The following PIP4K2A variants were observed in gnomAD, a reference collection of about 807,000 sequenced individuals.
The protein encoded by PIP4K2A is phosphatidylinositol-5-phosphate 4-kinase type 2 alpha.
In PIP4K2A, 14 loss-of-function variants were observed where a neutral mutation model predicts 42.9. That is an observed-to-expected ratio of 0.33 (90% confidence interval 0.22 to 0.51). The LOEUF (loss-of-function observed/expected upper bound fraction) is 0.51, where lower values mean the gene tolerates loss of function less well. Among genes scored for constraint, PIP4K2A ranks in the 20% least tolerant of loss-of-function variants. The probability of loss-of-function intolerance (pLI) is 0.97; values close to 1 mark genes in which losing one functional copy is unlikely to be tolerated. For synonymous variants in PIP4K2A, 192 were observed against 192.2 expected (o/e 1.00, Z 0.01); for missense variants, 434 against 519.8 (o/e 0.83, Z 1.61).
At chr10:22,637,831 A>C (rs1406298012) in intron 1 of PIP4K2A, among the ~76,000 whole-genome samples, 1 of 152,262 alleles carries the variant, frequency 6.6e-6, no homozygotes, top group Non-Finnish European at 1.5e-5. Context: ...ATCAAGCTGG[A>C]CAATGTAAAA....
intron 1 of PIP4K2A, among the ~76,000 whole-genome samples, chr10:22,622,001 G>A (rs901075737): frequency 1.3e-5 from 2 of 152,202 alleles, no homozygotes; most frequent in African/African-American, 4.8e-5. Flanking sequence ...CCCATTTTAA[G>A]AGATGACCTG....
At chr10:22,575,985 A>T (rs1369155038) in intron 4 of PIP4K2A, among the ~76,000 whole-genome samples, 1 of 152,086 alleles carries the variant, frequency 6.6e-6, no homozygotes, top group Non-Finnish European at 1.5e-5. Context: ...TTTATCAGCA[A>T]GTCTACACAC....
intron 8 of PIP4K2A, among the ~76,000 whole-genome samples, chr10:22,541,462 T>C (rs1836110583): frequency 6.6e-6 from 1 of 152,224 alleles, no homozygotes; most frequent in Admixed American, 6.5e-5. Context: ...TGAACATGTA[T>C]GTGTGCATAT....
At chr10:22,622,440 G>C (rs759301265) in intron 1 of PIP4K2A, among the ~76,000 whole-genome samples, 4 of 152,236 alleles carry the variant, frequency 2.6e-5, no homozygotes, top group Non-Finnish European at 5.9e-5. Flanking sequence ...GCGTCACGGA[G>C]CACGGGAGGA....
Position 22,535,580 on chromosome 10 carries a change from T to TTTTG in PIP4K2A, c.*1617_*1620dup, listed in dbSNP as rs748990817. ...TGCAAGTAATAATTAAAGGGTCGAT[T>TTTTG]TTTGTTTGTTTGTTTTCTTTTCTGA... On this transcript the variant is annotated 3_prime_UTR_variant, in exon 10 of 10. Transcript: ENST00000376573. 2 of 152,276 alleles carry TTTTG rather than the reference T, an allele frequency of 1.3e-5. No individual in the cohort carries two copies. Among genetic ancestry groups the TTTTG allele is most frequent in the Admixed American group, 6.5e-5 (1 of 15,286 alleles). 9.4% of individuals were successfully genotyped at this position (152,276 alleles called of 1,614,324 possible).
intron 1 of PIP4K2A, among the ~76,000 whole-genome samples, chr10:22,685,468 G>A (rs1459670971): frequency 6.6e-6 from 1 of 152,166 alleles, no homozygotes; most frequent in Non-Finnish European, 1.5e-5. Flanking sequence ...GCTGAGGCAG[G>A]AGGATCACTT....
At position 22,714,280 on chromosome 10, in the gene PIP4K2A, G is replaced by A. The variant is rs1833968965; in HGVS notation, c.47C>T (p.Thr16Ile). The change falls in exon 1 of 10, where the codon ACC (threonine) becomes ATC (isoleucine). Residue 16 changes from threonine to isoleucine, a missense_variant. Thr to Ile is a moderately conservative substitution (Grantham distance 89). Coordinates refer to ENST00000376573, the MANE Select transcript of PIP4K2A (RefSeq NM_005028.5). ...NLGSSVLASK[T>I]KTKKKHFVAQ... is the part of the protein sequence containing the mutation. ...TACGAAGTGCTTCTTCTTGGTCTTG[G>A]TCTTGCTCGCCAGGACAGAGGACCC... The A allele has an allele frequency of 1.2e-6, 2 of 1,612,434 alleles. No homozygotes were observed. Among genetic ancestry groups the A allele is most frequent in the Non-Finnish European group, 8.5e-7 (1 of 1,179,128 alleles).
intron 9 of PIP4K2A, among the ~76,000 whole-genome samples, chr10:22,538,377 A>C (rs1835993043): frequency 1.3e-5 from 2 of 151,844 alleles, no homozygotes; most frequent in Non-Finnish European, 2.9e-5. Flanking sequence ...ACATGGAGCC[A>C]TATTGGCTAG....
intron 1 of PIP4K2A, among the ~76,000 whole-genome samples, chr10:22,677,170 G>T (rs1013106470): frequency 3.9e-5 from 6 of 152,104 alleles, no homozygotes; most frequent in African/African-American, 1.4e-4. Flanking sequence ...GGCAAAGAAG[G>T]TATTGGGCCC....
At chr10:22,585,122 CT>C (rs1279240327) in intron 4 of PIP4K2A, among the ~76,000 whole-genome samples, 1 of 152,186 alleles carries the variant, frequency 6.6e-6, no homozygotes, top group East Asian at 1.9e-4. Context: ...CCTCTCCACT[CT>C]TTTTTGTATT....
At chr10:22,621,560 G>A (rs11013068) in intron 1 of PIP4K2A, among the ~76,000 whole-genome samples, 28,215 of 152,220 alleles carry the variant, frequency 0.19, 3,265 homozygotes, top group Non-Finnish European at 0.26. Context: ...CTGGCCAGAA[G>A]CCCTAAATCT....
At chr10:22,658,261 G>A (rs1341014326) in intron 1 of PIP4K2A, among the ~76,000 whole-genome samples, 1 of 152,138 alleles carries the variant, frequency 6.6e-6, no homozygotes, top group East Asian at 1.9e-4. Context: ...TTAACAAAAG[G>A]AGACTAAAAG....
intron 4 of PIP4K2A, among the ~76,000 whole-genome samples, chr10:22,574,396 G>C (rs1246407672): frequency 1.3e-5 from 2 of 151,380 alleles, no homozygotes. Context: ...TGCAATTGGA[G>C]GGAATTCTGA....
intron 4 of PIP4K2A, among the ~76,000 whole-genome samples, chr10:22,576,398 CAA>C (rs1438376918): frequency 2.0e-5 from 3 of 152,172 alleles, no homozygotes; most frequent in Admixed American, 6.5e-5. Context: ...ATGCTGAGCA[CAA>C]ACTCGTAACA....
intron 3 of PIP4K2A, among the ~76,000 whole-genome samples, chr10:22,593,521 C>T (rs1374332692): frequency 6.6e-6 from 1 of 152,078 alleles, no homozygotes; most frequent in African/African-American, 2.4e-5. Context: ...TTTTTCTTTC[C>T]TAAAACATGA....
intron 4 of PIP4K2A, among the ~76,000 whole-genome samples, chr10:22,586,396 G>C (rs1837395379): frequency 6.6e-6 from 1 of 152,208 alleles, no homozygotes; most frequent in South Asian, 2.1e-4. Flanking sequence ...CAGTCTACCA[G>C]AAACCAGGCC....
chr10:22,571,473 A>G (rs1836986720), intron 5 of PIP4K2A, among the ~76,000 whole-genome samples: 1 of 152,238 alleles, frequency 6.6e-6, no homozygotes, highest in Non-Finnish European at 1.5e-5. Flanking sequence ...CACTGTTATG[A>G]CTTTTTGATA....
At chr10:22,602,361 T>A (rs1837802831) in intron 3 of PIP4K2A, among the ~76,000 whole-genome samples, 1 of 140,310 alleles carries the variant, frequency 7.1e-6, no homozygotes, top group African/African-American at 2.7e-5. Flanking sequence ...GCCACTGTAC[T>A]CCAGCCTGGG....
intron 9 of PIP4K2A, among the ~76,000 whole-genome samples, chr10:22,538,056 A>G (rs1438286449): frequency 6.6e-6 from 1 of 152,196 alleles, no homozygotes; most frequent in African/African-American, 2.4e-5. Flanking sequence ...GGAGTCACTC[A>G]CTGGCCAGTT....
Sources: gnomAD v4.1 joint callset for allele counts (sites outside exome capture counted in the v4.1 genomes callset) on GRCh38, gnomAD v4.1.1 for gene constraint, MANE v1.5 for transcripts, NCBI Gene and HGNC (gene_info 2026-07-23, HGNC 2026-07-21) for gene names.